Variants in PRDM1 observed in about 807,000 individuals in gnomAD.
PRDM1 encodes the protein PR domain zinc finger protein 1.
In PRDM1, 13 loss-of-function variants were observed where a neutral mutation model predicts 62.8. The observed-to-expected ratio is 0.21, with a 90% CI of 0.13 to 0.33. The LOEUF (loss-of-function observed/expected upper bound fraction) is 0.33. Ranked by LOEUF, PRDM1 falls within the 10% of genes least tolerant of loss-of-function variation. The probability of loss-of-function intolerance (pLI) is 1.00; values close to 1 mark genes in which losing one functional copy is unlikely to be tolerated. For synonymous variants in PRDM1, 396 were observed against 417.6 expected (o/e 0.95, Z 0.63); for missense variants, 895 against 1,058.8 (o/e 0.85, Z 2.15).
intron 3 of PRDM1, chr6:106,098,338 G>A: frequency 1.0e-6 from 1 of 985,384 alleles, no homozygotes; most frequent in Non-Finnish European, 1.2e-6. Context: ...TTCAGTAAGA[G>A]TGTACGTTTT....
At chr6:106,092,066 T>C (rs944090542) in intron 2 of PRDM1, among the ~76,000 whole-genome samples, 3 of 149,784 alleles carry the variant, frequency 2.0e-5, no homozygotes, top group Non-Finnish European at 4.4e-5. Context: ...TAGACTTGGA[T>C]ATAGTTTCTG....
At chr6:106,001,210 A>G (rs11152949) in intron 1 of PRDM1, among the ~76,000 whole-genome samples, 32,520 of 151,978 alleles carry the variant, frequency 0.21, 4,597 homozygotes, top group Non-Finnish European at 0.32. Flanking sequence ...TCCTTTGCTC[A>G]TTTTTTATTT....
intron 1 of PRDM1, among the ~76,000 whole-genome samples, chr6:105,997,290 G>A (rs1024685981): frequency 6.6e-6 from 1 of 151,430 alleles, no homozygotes; most frequent in Non-Finnish European, 1.5e-5. Flanking sequence ...TTTTTATATT[G>A]TGCTAAGTAG....
intron 1 of PRDM1, among the ~76,000 whole-genome samples, chr6:106,033,676 AAT>A (rs1257894488): frequency 6.6e-6 from 1 of 152,044 alleles, no homozygotes; most frequent in African/African-American, 2.4e-5. Context: ...TTTTTGTGTC[AAT>A]ATTTATAAGG....
intron 2 of PRDM1, among the ~76,000 whole-genome samples, chr6:106,095,043 GA>G (rs749151274): frequency 3.6e-4 from 46 of 129,418 alleles, no homozygotes; most frequent in South Asian, 9.9e-4. Context: ...TACAAGCTAT[GA>G]AAAAAAAAAA....
intron 1 of PRDM1, among the ~76,000 whole-genome samples, chr6:105,999,780 C>A (rs897514003): frequency 6.6e-6 from 1 of 152,162 alleles, no homozygotes; most frequent in Non-Finnish European, 1.5e-5. Flanking sequence ...GCAAAAATAT[C>A]CAACTTAAAT....
intron 1 of PRDM1, among the ~76,000 whole-genome samples, chr6:106,068,382 G>A (rs192235169): frequency 2.6e-5 from 4 of 152,210 alleles, no homozygotes; most frequent in South Asian, 2.1e-4. Context: ...ATAAGCCACC[G>A]TGCCTGGCCC....
chr6:105,992,954 A>G (rs772260750), upstream of PRDM1, among the ~76,000 whole-genome samples: 2 of 152,124 alleles, frequency 1.3e-5, no homozygotes. Flanking sequence ...AGGGAGTTAG[A>G]GCTGTAAGCC....
At chr6:106,096,534 C>G (rs992641693) in intron 3 of PRDM1, among the ~76,000 whole-genome samples, 3 of 152,208 alleles carry the variant, frequency 2.0e-5, no homozygotes, top group African/African-American at 7.2e-5. Flanking sequence ...GACCACAGAA[C>G]TAGTCCTATT....
chr6:105,995,601 A>T (rs1034579409), intron 1 of PRDM1, among the ~76,000 whole-genome samples: 2 of 152,226 alleles, frequency 1.3e-5, no homozygotes, highest in Non-Finnish European at 1.5e-5. Flanking sequence ...TACACTAGAT[A>T]CATTACACAG....
At chr6:105,997,032 G>A (rs1772356612) in intron 1 of PRDM1, among the ~76,000 whole-genome samples, 1 of 152,180 alleles carries the variant, frequency 6.6e-6, no homozygotes, top group African/African-American at 2.4e-5. Context: ...ACACTGACAG[G>A]CTGCTGGAAT....
chr6:106,027,640 G>A (rs1298704128), intron 1 of PRDM1, among the ~76,000 whole-genome samples: 1 of 151,410 alleles, frequency 6.6e-6, no homozygotes, highest in Admixed American at 6.6e-5. Flanking sequence ...GAGGAACGGG[G>A]GAGAGAATGA....
At chr6:106,033,827 C>A (rs746962482) in intron 1 of PRDM1, among the ~76,000 whole-genome samples, 1 of 151,170 alleles carries the variant, frequency 6.6e-6, no homozygotes, top group Non-Finnish European at 1.5e-5. Context: ...GGTGTTAGTT[C>A]TTTAAATATT....
chr6:106,000,365 T>A (rs1772413118), intron 1 of PRDM1, among the ~76,000 whole-genome samples: 1 of 152,190 alleles, frequency 6.6e-6, no homozygotes, highest in Admixed American at 6.5e-5. Flanking sequence ...GGAGGATCGC[T>A]TGAAGCCAGA....
In PRDM1 at chr6:106,024,914, T is replaced by C. The variant is rs112449385; in HGVS notation, c.-67+31275T>C. ...AACAACAAAATGGAAATGGAAACAG[T>C]TGTATGTAGAGGAGGGTGGGTGTTG... On this transcript the variant is annotated intron_variant, in intron 1 of 6. Coordinates refer to the PRDM1 transcript ENST00000652320. 8.4e-3 allele frequency among the ~76,000 whole-genome samples: 1,285 copies of C among 152,084 alleles called. 14 individuals are homozygous for C. The highest frequency in any genetic ancestry group is 0.019 in the Admixed American group (290 of 15,266).
At chr6:106,048,833 T>C (rs563679799) in intron 1 of PRDM1, among the ~76,000 whole-genome samples, 1 of 152,280 alleles carries the variant, frequency 6.6e-6, no homozygotes, top group Admixed American at 6.5e-5. Context: ...CCTTCCATTT[T>C]TTTTTTTCTT....
intron 1 of PRDM1, among the ~76,000 whole-genome samples, chr6:106,008,178 C>T (rs1457999347): frequency 6.6e-6 from 1 of 152,234 alleles, no homozygotes; most frequent in Non-Finnish European, 1.5e-5. Flanking sequence ...CGAGACCATC[C>T]TGGCCAATGT....
chr6:106,102,395 G>T (rs1351917337), intron 4 of PRDM1, among the ~76,000 whole-genome samples: 3 of 152,168 alleles, frequency 2.0e-5, no homozygotes, highest in Admixed American at 2.0e-4. Context: ...ATTTCCACCT[G>T]TAGAGCATCT....
At position 106,061,973 on chromosome 6, in the gene PRDM1, G is replaced by C. The variant is rs117507022; in HGVS notation, c.-67+13259G>C. On this transcript the variant is annotated intron_variant, in intron 1 of 6. Transcript: ENST00000651185. Reference sequence around the variant, plus strand: ...TTCTGTTGATCCATTTTGATTATCAGATTGGCAAAGATGAAAATAGCTGAA... The same window carrying C: ...TTCTGTTGATCCATTTTGATTATCACATTGGCAAAGATGAAAATAGCTGAA... Among the ~76,000 whole-genome samples, 301 of 152,334 alleles carry C rather than the reference G, an allele frequency of 2.0e-3. 7 individuals are homozygous for C. The South Asian group carries it at 0.05, about 25-fold the overall frequency.
Sources: allele counts gnomAD v4.1 joint callset (sites outside exome capture counted in the v4.1 genomes callset), GRCh38; gene constraint gnomAD v4.1.1; transcripts MANE v1.5; gene names NCBI Gene and HGNC (gene_info 2026-07-23, HGNC 2026-07-21).